The following DBH variants were observed in gnomAD, a reference collection of about 807,000 sequenced individuals.
DBH encodes dopamine beta-hydroxylase (dopamine beta-monooxygenase).
DBH carries 49 observed loss-of-function variants against 64.0 expected under a neutral mutation model. That is an observed-to-expected ratio of 0.77 (90% CI 0.61 to 0.97). The LOEUF (loss-of-function observed/expected upper bound fraction) is 0.97, where lower values mean the gene tolerates loss of function less well. Among genes scored for constraint, DBH ranks in the 50% least tolerant of loss-of-function variants. The probability of loss-of-function intolerance (pLI) is 0.00; values close to 1 mark genes in which losing one functional copy is unlikely to be tolerated. For synonymous variants in DBH, 343 were observed against 347.1 expected (o/e 0.99, Z 0.13); for missense variants, 828 against 826.6 (o/e 1.00, Z -0.02).
In DBH at chr9:133,646,487, G is replaced by A. The variant is rs140816072; in HGVS notation, c.1025-1359G>A. Among the ~76,000 whole-genome samples, 1,202 of 152,292 alleles carry A rather than the reference G, an allele frequency of 7.9e-3. 16 individuals are homozygous for A. The highest frequency in any genetic ancestry group is 0.028 in the African/African-American group (1,148 of 41,534). ...GGTGGGGCTACCTGGATGACACCTG[G>A]TTGTGAGGATGTTCGAGTGGGTGCC... On this transcript the variant is annotated intron_variant, in intron 5 of 11. Coordinates refer to ENST00000393056, the MANE Select transcript of DBH (RefSeq NM_000787.4).
Position 133,657,496 on chromosome 9 carries a change from A to AGGAG in DBH, c.1722+268_1722+271dup, listed in dbSNP as rs1554737555. Among the ~76,000 whole-genome samples, 602 of 143,288 alleles carry AGGAG rather than the reference A, an allele frequency of 4.2e-3. 4 individuals are homozygous for AGGAG. Among genetic ancestry groups the AGGAG allele is most frequent in the African/African-American group, 0.016 (568 of 36,324 alleles). The allele number at this position is 143,288 out of a possible 152,430, so 94.0% of individuals were successfully genotyped here. A position where few individuals can be genotyped will look rare whatever the true frequency, so the allele number is the denominator to read the frequency against. ...AGGGAGAGGGAGAGAGGAGAGAGAG[A>AGGAG]GGAGAGAGAGAGAGAGAGAGAGGGA... On this transcript the variant is annotated intron_variant, in intron 11 of 11. Coordinates refer to ENST00000393056, the MANE Select transcript of DBH (RefSeq NM_000787.4).
intron 8 of DBH, among the ~76,000 whole-genome samples, chr9:133,652,547 C>T (rs976714365): frequency 6.6e-6 from 1 of 152,098 alleles, no homozygotes; most frequent in Non-Finnish European, 1.5e-5. Context: ...TCTGATGGGC[C>T]GACCACAAAC....
At chr9:133,657,519 G>GA (rs1832350682) in intron 11 of DBH, among the ~76,000 whole-genome samples, 1 of 146,138 alleles carries the variant, frequency 6.8e-6, no homozygotes, top group African/African-American at 2.7e-5. Flanking sequence ...AGAGAGAGAG[G>GA]GAGAGAGAGA....
At chr9:133,647,553 G>A (rs1053260187) in intron 5 of DBH, among the ~76,000 whole-genome samples, 5 of 152,354 alleles carry the variant, frequency 3.3e-5, no homozygotes, top group East Asian at 1.9e-4. Flanking sequence ...AGTGGCTCAC[G>A]TTGATCACAT....
rs753380045 is a variant in DBH at position 133,642,199 on chromosome 9, G to A, written c.487-8G>A. 19 of 1,612,654 alleles carry A rather than the reference G, an allele frequency of 1.2e-5. No homozygotes were observed. Among genetic ancestry groups the A allele is most frequent in the Admixed American group, 8.3e-5 (5 of 60,010 alleles). ...AGGGCGACCAGCTGAACCCTGTCTC[G>A]GCTGCAGGACGGCACTGTCCACTTG... On this transcript the variant is annotated splice_polypyrimidine_tract_variant and splice_region_variant and intron_variant, in intron 2 of 11. Coordinates refer to ENST00000393056, the MANE Select transcript of DBH (RefSeq NM_000787.4).
At chr9:133,646,499 T>C (rs1309474275) in intron 5 of DBH, among the ~76,000 whole-genome samples, 1 of 152,144 alleles carries the variant, frequency 6.6e-6, no homozygotes, top group East Asian at 1.9e-4. Context: ...TGTGAGGATG[T>C]TCGAGTGGGT....
At chr9:133,653,295 GCACT>G (rs1226373653) in intron 9 of DBH, among the ~76,000 whole-genome samples, 2 of 152,160 alleles carry the variant, frequency 1.3e-5, no homozygotes, top group African/African-American at 4.8e-5. Flanking sequence ...AGGTTGAGAA[GCACT>G]CACACCAAGA....
Position 133,643,778 on chromosome 9 carries a change from T to G in DBH, c.921+189T>G, listed in dbSNP as rs12343735. Among the ~76,000 whole-genome samples the G allele has an allele frequency of 0.034, 5,212 of 152,118 alleles. 164 individuals carry two copies. The highest frequency in any genetic ancestry group is 0.079 in the African/African-American group (3,274 of 41,502). ...TGTGATGTCTGAAATGCTTCAAGCCTTTTTTTTATTTTCCACAGAAACGCA... is the reference window on the plus strand; with the variant it reads ...TGTGATGTCTGAAATGCTTCAAGCCGTTTTTTTATTTTCCACAGAAACGCA... On this transcript the variant is annotated intron_variant, in intron 4 of 11. Transcript: ENST00000393056. The surrounding 1 kb of genome is among the most constrained non-coding windows in gnomAD (Gnocchi z 5.3).
chr9:133,658,526 T>C lies in DBH; in HGVS notation c.*79T>C. 6.9e-7 allele frequency: 1 copy of C among 1,451,816 alleles called. No individual in the cohort carries two copies. The highest frequency in any genetic ancestry group is 9.2e-7 in the Non-Finnish European group (1 of 1,087,852). The allele number at this position is 1,451,816 out of a possible 1,614,324, so 89.9% of individuals were successfully genotyped here. On this transcript the variant is annotated 3_prime_UTR_variant, in exon 12 of 12. Coordinates refer to ENST00000393056, the MANE Select transcript of DBH (RefSeq NM_000787.4). The stretch of plus-strand genomic sequence containing the variant: ...CACTGTGCACTCTACTCTGCGACGA[T>C]CCCCATGGAACAGCCCTGCACGCCC...
chr9:133,652,322 A>T (rs1271163222), intron 8 of DBH, 38 bp downstream of exon 8: 1 of 1,609,542 alleles, frequency 6.2e-7, no homozygotes, highest in Admixed American at 1.7e-5. Flanking sequence ...ACTCACTGCC[A>T]CCAGCTGGGG....
At chr9:133,642,835 G>T (rs1832133042) in intron 3 of DBH, among the ~76,000 whole-genome samples, 1 of 152,238 alleles carries the variant, frequency 6.6e-6, no homozygotes, top group African/African-American at 2.4e-5. Flanking sequence ...GTCCGGGGAA[G>T]ACAGAATAGC....
Position 133,658,440 on chromosome 9 carries a change from A to G in DBH, c.1847A>G (p.Lys616Arg). The change falls in exon 12 of 12, where the codon AAA becomes AGA. Residue 616 changes from lysine to arginine, a missense_variant. Coordinates refer to ENST00000393056, the MANE Select transcript of DBH (RefSeq NM_000787.4). Reference protein sequence around the residue: ...GPTVVSIGGGKG With the variant: ...GPTVVSIGGGRG ...ACCGTTGTCAGCATTGGTGGGGGCA[A>G]AGGCTGAGGGGGGACCTACTCCTCC... 2 of 1,609,410 alleles carry G rather than the reference A, an allele frequency of 1.2e-6. No homozygotes were observed. The highest frequency in any genetic ancestry group is 1.7e-6 in the Non-Finnish European group (2 of 1,177,030).
chr9:133,639,956 C>T lies in DBH; in HGVS notation c.450C>T (p.Pro150=), dbSNP rs150007277. The change falls in exon 2 of 12, where the codon CCC becomes CCT. Residue 150 remains proline, a synonymous_variant. Transcript: ENST00000393056. ...GCCTGACCCTGCTTTTCAAGAGGCCCTTTGGCACCTGCGACCCCAAGGATT... is the reference window on the plus strand; with the variant it reads ...GCCTGACCCTGCTTTTCAAGAGGCCTTTTGGCACCTGCGACCCCAAGGATT... ...PEGLTLLFKR[P]FGTCDPKDYL... 2 of 1,613,968 alleles carry T rather than the reference C, an allele frequency of 1.2e-6. No homozygotes were observed. The highest frequency in any genetic ancestry group is 1.7e-4 in the Middle Eastern group (1 of 6,060).
chr9:133,643,340 C>A lies in DBH; in HGVS notation c.745-73C>A. On this transcript the variant is annotated intron_variant, in intron 3 of 11. Transcript: ENST00000393056. This position sits in a 1 kb window ranked among gnomAD's most constrained non-coding sequence, Gnocchi z 5.3. ...ATTTTACAGATGGGCATTCGGAAGC[C>A]CATGGAGGAGGGCTGCTGGGGAGGG... 6.6e-7 allele frequency: 1 copy of A among 1,523,494 alleles called. No homozygotes were observed. Among genetic ancestry groups the A allele is most frequent in the Non-Finnish European group, 9.1e-7 (1 of 1,101,932 alleles). The allele number at this position is 1,523,494 out of a possible 1,614,324, so 94.4% of individuals were successfully genotyped here. A position where few individuals can be genotyped will look rare whatever the true frequency, so the allele number is the denominator to read the frequency against.
intron 2 of DBH, among the ~76,000 whole-genome samples, chr9:133,641,655 TG>T (rs1832117561): frequency 6.6e-6 from 1 of 152,238 alleles, no homozygotes; most frequent in Non-Finnish European, 1.5e-5. Flanking sequence ...TGAGTCTGCC[TG>T]TGGCCTCCAG....
intron 11 of DBH, 172 bp downstream of exon 11, chr9:133,657,401 A>AGAGAGAG (rs1261490483): frequency 1.8e-5 from 10 of 556,734 alleles, no homozygotes; most frequent in Admixed American, 2.6e-5. Context: ...CAGCCAGCAG[A>AGAGAGAG]GAGAGAGGAG....
At chr9:133,653,935 T>C (rs1832281301) in intron 9 of DBH, among the ~76,000 whole-genome samples, 1 of 152,174 alleles carries the variant, frequency 6.6e-6, no homozygotes, top group Non-Finnish European at 1.5e-5. Flanking sequence ...TGGTCTCCAA[T>C]AATTATCCTG....
At chr9:133,658,219 G>A (rs1832360411) in intron 11 of DBH, 97 bp from the exon 12 acceptor site, 1 of 1,530,034 alleles carries the variant, frequency 6.5e-7, no homozygotes, top group Admixed American at 1.7e-5. Flanking sequence ...CTGAGTTTGA[G>A]GGCAAGAATC....
chr9:133,656,701 A>ACCTCGGG (rs1397061098), intron 10 of DBH, 51 bp downstream of exon 10: 1 of 1,603,936 alleles, frequency 6.2e-7, no homozygotes, highest in Non-Finnish European at 8.5e-7. Flanking sequence ...CCGACACAGA[A>ACCTCGGG]CCTCGGGCCT....
Sources: allele counts gnomAD v4.1 joint callset (sites outside exome capture counted in the v4.1 genomes callset), GRCh38; gene constraint gnomAD v4.1.1; non-coding constraint Gnocchi (gnomAD v3.1); transcripts MANE v1.5; gene names NCBI Gene and HGNC (gene_info 2026-07-23, HGNC 2026-07-21).